The following RTN1 variants were observed in gnomAD, a reference collection of about 807,000 sequenced individuals.
RTN1 encodes the protein reticulon 1.
In RTN1, 25 loss-of-function variants were observed where a neutral mutation model predicts 65.5. That is an observed-to-expected ratio of 0.38 (90% CI 0.28 to 0.53). The LOEUF is 0.53. Ranked by LOEUF, RTN1 falls within the 20% of genes least tolerant of loss-of-function variation. RTN1 has a pLI of 0.79. For missense variants in RTN1, 983 were observed against 1,025.4 expected (o/e 0.96, Z 0.57); for synonymous variants, 471 against 447.6 (o/e 1.05, Z -0.66).
At chr14:59,783,007 C>T (rs1886184893) in intron 1 of RTN1, among the ~76,000 whole-genome samples, 1 of 152,136 alleles carries the variant, frequency 6.6e-6, no homozygotes, top group Non-Finnish European at 1.5e-5. Flanking sequence ...GCACATTTTG[C>T]AGATATCATC....
intron 1 of RTN1, among the ~76,000 whole-genome samples, chr14:59,819,981 C>G (rs1886910697): frequency 6.6e-6 from 1 of 152,228 alleles, no homozygotes; most frequent in South Asian, 2.1e-4. Flanking sequence ...CCAGCCCAGA[C>G]AGGGGCTCTC....
chr14:59,622,107 G>A (rs2281552), intron 3 of RTN1, among the ~76,000 whole-genome samples: 38,853 of 152,022 alleles, frequency 0.26, 5,166 homozygotes, highest in South Asian at 0.38. Flanking sequence ...AGGCTGAGGC[G>A]GGCGGATCAT....
At chr14:59,778,451 C>T (rs966071543) in intron 1 of RTN1, among the ~76,000 whole-genome samples, 5 of 152,118 alleles carry the variant, frequency 3.3e-5, no homozygotes, top group Non-Finnish European at 7.4e-5. Flanking sequence ...TTGTCCAAGT[C>T]GCAGTAAGTG....
At position 59,726,982 on chromosome 14, in the gene RTN1, T is replaced by C. The variant is rs747368023; in HGVS notation, c.1702A>G (p.Lys568Glu). Residue 568 changes from lysine to glutamate, a missense_variant, in exon 3 of 9, where the codon AAG becomes GAG. Coordinates refer to ENST00000267484, the MANE Select transcript of RTN1 (RefSeq NM_021136.3). ...SSSNQSPAATKGPGPLGPGAP... is the reference protein window; with the variant it reads ...SSSNQSPAATEGPGPLGPGAP... ...CCAGGACCTAGAGGCCCAGGGCCCT[T>C]TGTGGCCGCAGGACTTTGGTTGGAA... The C allele has an allele frequency of 1.5e-5, 25 of 1,613,316 alleles. No homozygotes were observed. The East Asian group carries it at 3.3e-4, about 22-fold the overall frequency.
intron 1 of RTN1, among the ~76,000 whole-genome samples, chr14:59,835,879 T>G (rs547257087): frequency 1.3e-5 from 2 of 152,340 alleles, no homozygotes; most frequent in East Asian, 1.9e-4. Flanking sequence ...TAACACACAT[T>G]TATTATCTTA....
chr14:59,832,989 T>G (rs1887152428), intron 1 of RTN1, among the ~76,000 whole-genome samples: 1 of 152,228 alleles, frequency 6.6e-6, no homozygotes, highest in Non-Finnish European at 1.5e-5. Context: ...ATGAAGATTG[T>G]GCCTTATTTA....
chr14:59,831,285 G>A (rs560551243), intron 1 of RTN1, among the ~76,000 whole-genome samples: 6 of 152,338 alleles, frequency 3.9e-5, no homozygotes, highest in Admixed American at 2.0e-4. Flanking sequence ...AAAGCAGATT[G>A]CCCTCCCTAA....
chr14:59,699,282 A>T (rs1400215869), intron 3 of RTN1, among the ~76,000 whole-genome samples: 1 of 152,054 alleles, frequency 6.6e-6, no homozygotes, highest in Non-Finnish European at 1.5e-5. Flanking sequence ...ATAAAAAAAT[A>T]AAAAATAAAA....
At chr14:59,753,607 C>T (rs1885575171) in intron 1 of RTN1, among the ~76,000 whole-genome samples, 1 of 152,126 alleles carries the variant, frequency 6.6e-6, no homozygotes, top group Non-Finnish European at 1.5e-5. Context: ...CTCTTGTAAA[C>T]AGAAAGTCCT....
Position 59,816,960 on chromosome 14 carries a change from C to T in RTN1, c.241+53430G>A, listed in dbSNP as rs1886832259. On this transcript the variant is annotated intron_variant, in intron 1 of 8. Transcript: ENST00000267484. The surrounding 1 kb of genome is among the most constrained non-coding windows in gnomAD (Gnocchi z 4.3). ...AATCAATTAATTAATAAATAAAATA[C>T]ACAGTACCAATAAGGGTTGTTTTAT... Among the ~76,000 whole-genome samples, 1 of 152,120 alleles carries T rather than the reference C, an allele frequency of 6.6e-6. No homozygotes were observed. The highest frequency in any genetic ancestry group is 2.4e-5 in the African/African-American group (1 of 41,422).
chr14:59,804,077 T>G (rs1454555175), intron 1 of RTN1, among the ~76,000 whole-genome samples: 1 of 152,172 alleles, frequency 6.6e-6, no homozygotes, highest in East Asian at 1.9e-4. Context: ...ATCTCCTTAG[T>G]TTTTACCTAA....
chr14:59,762,233 G>C (rs1885763430), intron 1 of RTN1, among the ~76,000 whole-genome samples: 1 of 152,044 alleles, frequency 6.6e-6, no homozygotes, highest in Non-Finnish European at 1.5e-5. Flanking sequence ...ACTGGCCTGG[G>C]GTTGGACATC....
intron 8 of RTN1, among the ~76,000 whole-genome samples, chr14:59,599,459 G>T (rs1881510213): frequency 6.6e-6 from 1 of 152,158 alleles, no homozygotes; most frequent in Non-Finnish European, 1.5e-5. Flanking sequence ...TGAAAGTAAT[G>T]GGATCAAAGG....
At chr14:59,726,715 G>C (rs537363600) in intron 3 of RTN1, among the ~76,000 whole-genome samples, 34 of 152,286 alleles carry the variant, frequency 2.2e-4, no homozygotes, top group African/African-American at 4.6e-4. Flanking sequence ...GTTGCCCTGA[G>C]CACGCGGTTC....
rs118084209 is a variant in RTN1, at chr14:59,739,009, G to A, written c.1015+6699C>T. Among the ~76,000 whole-genome samples the A allele has an allele frequency of 7.9e-4, 120 of 152,230 alleles. No individual in the cohort carries two copies. The East Asian group carries it at 0.016, about 21-fold the overall frequency. On this transcript the variant is annotated intron_variant, in intron 2 of 8. Coordinates refer to ENST00000267484, the MANE Select transcript of RTN1 (RefSeq NM_021136.3). ...ACACTGGGGCCTGTCAGACGGTGAA[G>A]GGGGAGGAAGGAGAGCATCAGAAAG...
At chr14:59,679,558 T>TA (rs769738953) in intron 3 of RTN1, among the ~76,000 whole-genome samples, 1 of 152,172 alleles carries the variant, frequency 6.6e-6, no homozygotes, top group Non-Finnish European at 1.5e-5. Context: ...GGTTGAACAG[T>TA]AAAACAGCAG....
At position 59,676,257 on chromosome 14, in the gene RTN1, A is replaced by C. The variant is rs528525330; in HGVS notation, c.1765+50662T>G. 4.6e-5 allele frequency among the ~76,000 whole-genome samples: 7 copies of C among 152,380 alleles called. No individual in the cohort carries two copies. The South Asian group carries it at 1.2e-3, about 27-fold the overall frequency. ...GAAAGCAATTTTAGCTAGTTTTTGC[A>C]CAGAAGCTGTAAAAATTAATGAGTC... is the stretch of plus-strand genomic sequence containing the variant. On this transcript the variant is annotated intron_variant, in intron 3 of 8. Coordinates refer to ENST00000267484, the MANE Select transcript of RTN1 (RefSeq NM_021136.3).
intron 1 of RTN1, among the ~76,000 whole-genome samples, chr14:59,749,119 TATATAG>T (rs1162459813): frequency 6.1e-5 from 3 of 49,294 alleles, no homozygotes; most frequent in African/African-American, 2.6e-4. Flanking sequence ...TATATATATA[TATATAG>T]ATATATCTAT....
At chr14:59,754,931 G>T (rs1186629783) in intron 1 of RTN1, among the ~76,000 whole-genome samples, 4 of 152,054 alleles carry the variant, frequency 2.6e-5, no homozygotes, top group Non-Finnish European at 5.9e-5. Context: ...TACTTTAAAT[G>T]GACATAGATC....
Sources: allele counts gnomAD v4.1 joint callset (sites outside exome capture counted in the v4.1 genomes callset), GRCh38; gene constraint gnomAD v4.1.1; non-coding constraint Gnocchi (gnomAD v3.1); transcripts MANE v1.5; gene names NCBI Gene and HGNC (gene_info 2026-07-23, HGNC 2026-07-21).